YWHAE: variants seen among roughly 807,000 people sequenced by gnomAD.
YWHAE encodes the protein 14-3-3 protein epsilon.
A neutral mutation model predicts 30.1 loss-of-function variants in YWHAE; 4 were observed. The ratio of observed to expected loss-of-function variants is 0.13; its 90% confidence interval spans 0.07 to 0.30. The LOEUF (loss-of-function observed/expected upper bound fraction) is 0.30. YWHAE is among the 10% of genes least tolerant of loss of function. YWHAE has a pLI of 1.00. For missense variants in YWHAE, 121 were observed against 315.9 expected, an observed-to-expected ratio of 0.38 and a Z score of 4.68; for synonymous variants, 118 against 111.8, an observed-to-expected ratio of 1.06 and a Z score of -0.35.
intron 2 of YWHAE, among the ~76,000 whole-genome samples, chr17:1,362,587 C>A (rs1241122432): frequency 1.3e-5 from 2 of 152,016 alleles, no homozygotes; most frequent in Non-Finnish European, 2.9e-5. Context: ...AACCTATCTA[C>A]CAAAGTAGCT....
At chr17:1,353,771 A>G (rs889447973) in intron 5 of YWHAE, among the ~76,000 whole-genome samples, 19 of 152,104 alleles carry the variant, frequency 1.2e-4, no homozygotes, top group Non-Finnish European at 2.8e-4. Context: ...CTCAAAAAAA[A>G]AAAAAAGAGA....
At position 1,359,179 on chromosome 17, in the gene YWHAE, G is replaced by A. The variant is rs956433131; in HGVS notation, c.578+1913C>T. On this transcript the variant is annotated intron_variant, in intron 4 of 5. Transcript: ENST00000264335. ...AAAAAAAAGGAAAAGAAAAGGCCAG[G>A]TATGGTGGCATCCACCTCTAGTGAC... is the stretch of plus-strand genomic sequence containing the variant. Among the ~76,000 whole-genome samples, 3 of 152,114 alleles carry A rather than the reference G, an allele frequency of 2.0e-5. No homozygotes were observed. In the East Asian group the frequency reaches 5.8e-4, roughly 29 times the overall value.
At position 1,356,171 on chromosome 17, in the gene YWHAE, AACACACACACACACACACACACAC is replaced by A. The variant is rs71148473; in HGVS notation, c.579-1848_579-1825del. On this transcript the variant is annotated intron_variant, in intron 4 of 5. Coordinates refer to ENST00000264335, the MANE Select transcript of YWHAE (RefSeq NM_006761.5). ...GCAACAGAGCAAGACTCCGTCTAAA[AACACACACACACACACACACACAC>A]ACACACACACACACACACACAAAAT... is the stretch of plus-strand genomic sequence containing the variant. Among the ~76,000 whole-genome samples, 430 of 143,106 alleles carry A rather than the reference AACACACACACACACACACACACAC, an allele frequency of 3.0e-3. 1 individual carries two copies. The highest frequency in any genetic ancestry group is 0.022 in the Middle Eastern group (6 of 272). 93.9% of individuals were successfully genotyped at this position (143,106 alleles called of 152,430 possible).
chr17:1,378,503 A>G (rs1051332502), intron 1 of YWHAE, among the ~76,000 whole-genome samples: 1 of 152,238 alleles, frequency 6.6e-6, no homozygotes. Flanking sequence ...ATAAAGATGG[A>G]GCAAAATTTT....
intron 5 of YWHAE, among the ~76,000 whole-genome samples, chr17:1,351,916 T>C (rs1025600922): frequency 2.6e-4 from 40 of 151,204 alleles, no homozygotes; most frequent in Middle Eastern, 6.9e-3. Context: ...GCCTTGCAAG[T>C]AGCTGAGATT....
chr17:1,392,465 C>A (rs778696619), intron 1 of YWHAE, among the ~76,000 whole-genome samples: 6 of 152,168 alleles, frequency 3.9e-5, no homozygotes, highest in Admixed American at 2.0e-4. Context: ...TTTCCTACTC[C>A]TTAATGGATT....
At chr17:1,351,043 G>A (rs536912522) in intron 5 of YWHAE, among the ~76,000 whole-genome samples, 38 of 150,058 alleles carry the variant, frequency 2.5e-4, no homozygotes, top group Non-Finnish European at 4.3e-4. Context: ...TGGGCAACAG[G>A]GAGAGACTCC....
intron 1 of YWHAE, among the ~76,000 whole-genome samples, chr17:1,387,998 T>A (rs1367900964): frequency 6.4e-5 from 9 of 141,260 alleles, no homozygotes; most frequent in Non-Finnish European, 1.4e-4. Flanking sequence ...CTATCTCGGC[T>A]CACTGCAACC....
At chr17:1,362,087 T>C (rs1290650474) in intron 2 of YWHAE, 79 bp from the exon 3 acceptor site, 4 of 833,658 alleles carry the variant, frequency 4.8e-6, no homozygotes, top group Non-Finnish European at 7.1e-6. Context: ...TCTCTGGTTT[T>C]GAGGTAGAGA....
chr17:1,385,969 A>G (rs2073294852), intron 1 of YWHAE, among the ~76,000 whole-genome samples: 1 of 152,154 alleles, frequency 6.6e-6, no homozygotes. Context: ...TGACGTTTAC[A>G]CACAAGAAAC....
intron 5 of YWHAE, among the ~76,000 whole-genome samples, chr17:1,350,786 G>A (rs1427070725): frequency 1.3e-5 from 2 of 151,644 alleles, no homozygotes; most frequent in Admixed American, 6.6e-5. Context: ...ATGGCCAGGC[G>A]CAGTGGCTCA....
intron 5 of YWHAE, among the ~76,000 whole-genome samples, chr17:1,349,230 A>G (rs1019137976): frequency 1.1e-4 from 17 of 151,398 alleles, no homozygotes; most frequent in African/African-American, 4.1e-4. Context: ...AGTCCCAGCA[A>G]CTCAGAGAGG....
intron 5 of YWHAE, among the ~76,000 whole-genome samples, chr17:1,347,252 G>C (rs1355657329): frequency 6.6e-6 from 1 of 151,164 alleles, no homozygotes; most frequent in Non-Finnish European, 1.5e-5. Flanking sequence ...AGAATGGCGT[G>C]AACCCAGGAG....
intron 4 of YWHAE, among the ~76,000 whole-genome samples, chr17:1,357,230 C>G (rs2072763414): frequency 1.3e-5 from 2 of 151,942 alleles, no homozygotes; most frequent in African/African-American, 4.8e-5. Flanking sequence ...GGTGAAACCC[C>G]ATCTCTACTA....
At chr17:1,367,575 G>C (rs2072964146) in intron 1 of YWHAE, among the ~76,000 whole-genome samples, 1 of 152,078 alleles carries the variant, frequency 6.6e-6, no homozygotes, top group African/African-American at 2.4e-5. Context: ...TGCGCATTTT[G>C]CCAGCAAAAA....
intron 5 of YWHAE, chr17:1,352,192 G>A (rs1031779988): frequency 6.6e-6 from 1 of 152,186 alleles, no homozygotes; most frequent in East Asian, 1.9e-4. Flanking sequence ...AGTGTTCTGT[G>A]GCTCCATCTG....
chr17:1,352,832 A>T (rs2072658189), intron 5 of YWHAE, among the ~76,000 whole-genome samples: 1 of 152,108 alleles, frequency 6.6e-6, no homozygotes, highest in African/African-American at 2.4e-5. Flanking sequence ...GCACAGCCTT[A>T]GAAACATTCT....
intron 5 of YWHAE, 78 bp from the exon 6 acceptor site, chr17:1,345,577 C>A: frequency 6.8e-7 from 1 of 1,476,094 alleles, no homozygotes; most frequent in South Asian, 1.1e-5. Flanking sequence ...AGGTGTCATT[C>A]CAAGCATAAA....
intron 1 of YWHAE, among the ~76,000 whole-genome samples, chr17:1,396,410 C>A (rs974635738): frequency 1.3e-5 from 2 of 151,916 alleles, no homozygotes; most frequent in African/African-American, 2.4e-5. Context: ...GGAGACAGAG[C>A]GAGACTCCGT....
Sources: allele counts gnomAD v4.1 joint callset (sites outside exome capture counted in the v4.1 genomes callset), GRCh38; gene constraint gnomAD v4.1.1; transcripts MANE v1.5; gene names NCBI Gene and HGNC (gene_info 2026-07-23, HGNC 2026-07-21).